The following MIS18A variants were observed in gnomAD, a reference collection of about 807,000 sequenced individuals.
MIS18A encodes MIS18 kinetochore protein A.
MIS18A carries 14 observed loss-of-function variants against 25.0 expected under a neutral mutation model. The observed-to-expected ratio is 0.56, with a 90% CI of 0.37 to 0.88. MIS18A has a LOEUF of 0.88. Ranked by LOEUF, MIS18A falls within the 40% of genes least tolerant of loss-of-function variation. The probability of loss-of-function intolerance (pLI) is 0.00; values close to 1 mark genes in which losing one functional copy is unlikely to be tolerated. For synonymous variants in MIS18A, 134 were observed against 118.6 expected, an observed-to-expected ratio of 1.13 and a Z score of -0.84; for missense variants, 292 against 290.8, an observed-to-expected ratio of 1.00 and a Z score of -0.03.
chr21:32,243,743 C>T, the MIS18A span, among the ~76,000 whole-genome samples: 14 of 152,030 alleles, frequency 9.2e-5, no homozygotes, highest in Non-Finnish European at 1.6e-4. Context: ...CAAGGCCAGG[C>T]GCGGTGGCTC....
chr21:32,254,986 A>T, the MIS18A span, among the ~76,000 whole-genome samples: 1 of 152,244 alleles, frequency 6.6e-6, no homozygotes, highest in Non-Finnish European at 1.5e-5. Context: ...ACAAAGTTGC[A>T]AAAGTATATT....
the MIS18A span, among the ~76,000 whole-genome samples, chr21:32,209,739 T>C: frequency 1.3e-5 from 2 of 152,096 alleles, no homozygotes; most frequent in Admixed American, 1.3e-4. Context: ...TCATAGTGAG[T>C]GAGTTCTCAT....
Position 32,278,950 on chromosome 21 carries a change from T to C in MIS18A, c.65A>G (p.Lys22Arg), listed in dbSNP as rs377580427. The C allele has an allele frequency of 3.1e-6, 5 of 1,612,952 alleles. No individual in the cohort carries two copies. Among genetic ancestry groups the C allele is most frequent in the East Asian group, 2.2e-5 (1 of 44,866 alleles). The change falls in exon 1 of 5, where the codon AAG (lysine) becomes AGG (arginine). Residue 22 changes from lysine to arginine, a missense_variant. Physicochemically the swap from Lys to Arg is conservative, Grantham distance 26. Coordinates refer to ENST00000290130, the MANE Select transcript of MIS18A (RefSeq NM_018944.3). ...CAGCGAGGAGTCGCTGCATTTGCCC[T>C]TGTCGCCGCACTCACAGCCGCCAGC... ...GCAGGCECGD[K>R]GKCSDSSLLG...
At chr21:32,175,329 G>T in the MIS18A span, among the ~76,000 whole-genome samples, 10 of 152,100 alleles carry the variant, frequency 6.6e-5, no homozygotes, top group African/African-American at 1.7e-4. Flanking sequence ...GAATGTGAAG[G>T]TCTCAGACAT....
At chr21:32,258,315 A>G in the MIS18A span, among the ~76,000 whole-genome samples, 1 of 152,170 alleles carries the variant, frequency 6.6e-6, no homozygotes, top group Non-Finnish European at 1.5e-5. Flanking sequence ...AATACCGAAA[A>G]AGCTGTTAGC....
chr21:32,181,741 G>C, the MIS18A span, among the ~76,000 whole-genome samples: 1 of 152,196 alleles, frequency 6.6e-6, no homozygotes, highest in Non-Finnish European at 1.5e-5. Flanking sequence ...AAACAGGAAT[G>C]AGGGCAGTGA....
At chr21:32,211,519 G>A in the MIS18A span, among the ~76,000 whole-genome samples, 58,391 of 152,080 alleles carry the variant, frequency 0.38, 11,516 homozygotes, top group East Asian at 0.46. Context: ...GCTGTTTCGG[G>A]AGATGGCTAT....
the MIS18A span, among the ~76,000 whole-genome samples, chr21:32,224,289 A>T: frequency 9.8e-4 from 146 of 148,538 alleles, no homozygotes; most frequent in African/African-American, 3.5e-3. Flanking sequence ...GCAATCAGGC[A>T]GGAGAAGGAA....
At chr21:32,155,165 T>G in the MIS18A span, among the ~76,000 whole-genome samples, 3 of 152,208 alleles carry the variant, frequency 2.0e-5, no homozygotes, top group South Asian at 4.1e-4. Flanking sequence ...ACAGCAAAAT[T>G]TTATGGTTGG....
At chr21:32,228,695 C>T in the MIS18A span, among the ~76,000 whole-genome samples, 2 of 152,122 alleles carry the variant, frequency 1.3e-5, no homozygotes, top group Non-Finnish European at 2.9e-5. Flanking sequence ...ATAAACAAAG[C>T]TCAATTATAT....
intron 1 of MIS18A, 57 bp from the exon 2 acceptor site, chr21:32,274,953 C>T: frequency 7.2e-7 from 1 of 1,388,602 alleles, no homozygotes; most frequent in Non-Finnish European, 1.0e-6. Context: ...AACATACCTG[C>T]AGACAGAGAG....
chr21:32,159,898 A>C, the MIS18A span, among the ~76,000 whole-genome samples: 1,449 of 152,310 alleles, frequency 9.5e-3, 22 homozygotes, highest in African/African-American at 0.031. Flanking sequence ...CTTAGGTAGC[A>C]GACTTTAGAG....
the MIS18A span, among the ~76,000 whole-genome samples, chr21:32,241,725 C>T: frequency 1.7e-5 from 1 of 59,302 alleles, no homozygotes; most frequent in East Asian, 5.0e-4. Flanking sequence ...CAACCCTTAA[C>T]AGCTCAGAGG....
chr21:32,236,389 A>T, the MIS18A span, among the ~76,000 whole-genome samples: 3 of 152,140 alleles, frequency 2.0e-5, no homozygotes, highest in Non-Finnish European at 2.9e-5. Flanking sequence ...TCTCAACAAC[A>T]ACAAAAAAAA....
chr21:32,265,406 A>G (rs1357178815), downstream of MIS18A, among the ~76,000 whole-genome samples: 8 of 152,158 alleles, frequency 5.3e-5, no homozygotes, highest in Admixed American at 1.3e-4. Context: ...GCGTGGGCTT[A>G]GTGGGCCCCG....
the MIS18A span, among the ~76,000 whole-genome samples, chr21:32,189,531 G>C: frequency 6.6e-6 from 1 of 152,170 alleles, no homozygotes; most frequent in Non-Finnish European, 1.5e-5. Context: ...CACCTGCCTT[G>C]GTCTACCAAA....
chr21:32,273,115 C>CTTTTTTTTT (rs879786505), intron 2 of MIS18A, among the ~76,000 whole-genome samples: 1 of 134,426 alleles, frequency 7.4e-6, no homozygotes, highest in Non-Finnish European at 1.6e-5. Flanking sequence ...AACTTTTTTT[C>CTTTTTTTTT]TTTTTTTTTT....
At chr21:32,263,104 C>T in the MIS18A span, among the ~76,000 whole-genome samples, 3 of 152,198 alleles carry the variant, frequency 2.0e-5, no homozygotes, top group African/African-American at 7.2e-5. Context: ...AAGTTATTCT[C>T]CCTTAGTTCA....
At chr21:32,205,772 C>T in the MIS18A span, among the ~76,000 whole-genome samples, 3 of 152,178 alleles carry the variant, frequency 2.0e-5, no homozygotes. Context: ...GCAGCTCAGC[C>T]TTGCGTTTTC....
Sources: gnomAD v4.1 joint callset for allele counts (sites outside exome capture counted in the v4.1 genomes callset) on GRCh38, gnomAD v4.1.1 for gene constraint, MANE v1.5 for transcripts, NCBI Gene and HGNC (gene_info 2026-07-23, HGNC 2026-07-21) for gene names.